Variants in THSD7B observed in about 807,000 individuals in gnomAD.
THSD7B encodes the protein thrombospondin type 1 domain containing 7B.
THSD7B carries 138 observed loss-of-function variants against 213.6 expected under a neutral mutation model. The observed-to-expected ratio is 0.65, with a 90% CI of 0.56 to 0.74. THSD7B has a LOEUF of 0.74. Ranked by LOEUF, THSD7B falls within the 30% of genes least tolerant of loss-of-function variation. The probability of loss-of-function intolerance (pLI) is 0.00; values close to 1 mark genes in which losing one functional copy is unlikely to be tolerated. For synonymous variants in THSD7B, 742 were observed against 687.0 expected, an observed-to-expected ratio of 1.08 and a Z score of -1.25; for missense variants, 1,931 against 1,991.5, an observed-to-expected ratio of 0.97 and a Z score of 0.58.
intron 24 of THSD7B, among the ~76,000 whole-genome samples, chr2:137,658,758 C>T (rs1378347222): frequency 1.3e-5 from 2 of 152,202 alleles, no homozygotes; most frequent in East Asian, 3.9e-4. Flanking sequence ...AATTTAGCTG[C>T]TTCATTCCCA....
intron 2 of THSD7B, among the ~76,000 whole-genome samples, chr2:136,997,124 T>C (rs571696376): frequency 2.3e-4 from 35 of 152,336 alleles, no homozygotes; most frequent in Non-Finnish European, 4.9e-4. Context: ...AGGATTATTA[T>C]AAAGTTGAGG....
At chr2:137,656,333 T>A (rs924378501) in intron 22 of THSD7B, among the ~76,000 whole-genome samples, 6 of 152,056 alleles carry the variant, frequency 3.9e-5, no homozygotes, top group African/African-American at 1.4e-4. Context: ...ATTATATTTC[T>A]TGAGTGAGAA....
intron 15 of THSD7B, among the ~76,000 whole-genome samples, chr2:137,546,324 G>T (rs1680706352): frequency 9.2e-6 from 1 of 108,562 alleles, no homozygotes. Context: ...TCATTTCTGT[G>T]TTCATGCATT....
intron 3 of THSD7B, among the ~76,000 whole-genome samples, chr2:137,073,004 G>C (rs980060216): frequency 6.6e-6 from 1 of 151,640 alleles, no homozygotes; most frequent in East Asian, 1.9e-4. Context: ...GATTCAGTTT[G>C]CCAGTATTTT....
At chr2:136,768,810 A>G (rs993662708) in intron 1 of THSD7B, among the ~76,000 whole-genome samples, 22 of 152,214 alleles carry the variant, frequency 1.4e-4, no homozygotes, top group African/African-American at 5.1e-4. Context: ...AATGTTTCCC[A>G]GTATATAACT....
chr2:137,563,156 G>A, intron 15 of THSD7B, 65 bp from the exon 16 acceptor site: 1 of 1,548,696 alleles, frequency 6.5e-7, no homozygotes, highest in African/African-American at 1.4e-5. Flanking sequence ...ATTACTAAAA[G>A]ATAGGCTATT....
chr2:137,206,347 CT>C (rs962596067), intron 7 of THSD7B, among the ~76,000 whole-genome samples: 2 of 152,012 alleles, frequency 1.3e-5, no homozygotes, highest in Non-Finnish European at 2.9e-5. Flanking sequence ...ATGATCTTGA[CT>C]TTCAACAGTA....
intron 15 of THSD7B, among the ~76,000 whole-genome samples, chr2:137,551,869 C>T (rs907499856): frequency 7.2e-5 from 11 of 152,190 alleles, no homozygotes; most frequent in African/African-American, 2.6e-4. Flanking sequence ...GCTTGAGCAT[C>T]TGGCTTAAAA....
At chr2:137,242,657 G>A (rs1681938961) in intron 10 of THSD7B, 85 bp downstream of exon 10, 4 of 903,930 alleles carry the variant, frequency 4.4e-6, no homozygotes, top group South Asian at 3.5e-5. Context: ...TGTGGAATGT[G>A]AGCACCTTTT....
At position 137,040,623 on chromosome 2, in the gene THSD7B, G is replaced by T. The variant is rs915134923; in HGVS notation, c.140-15797G>T. Among the ~76,000 whole-genome samples the T allele has an allele frequency of 5.3e-5, 8 of 152,118 alleles. No homozygotes were observed. The East Asian group carries it at 1.6e-3, about 29-fold the overall frequency. The stretch of plus-strand genomic sequence containing the variant: ...TTGGCCAAACTGGTCTCGAACTCCT[G>T]ATCTCGTGATCCACCCGCCTTGGCA... On this transcript the variant is annotated intron_variant, in intron 2 of 27. Coordinates refer to ENST00000409968, the MANE Select transcript of THSD7B (RefSeq NM_001316349.2).
At chr2:136,839,631 A>G (rs142975970) in intron 1 of THSD7B, among the ~76,000 whole-genome samples, 38 of 152,318 alleles carry the variant, frequency 2.5e-4, no homozygotes, top group African/African-American at 8.7e-4. Flanking sequence ...TGACCTGCAC[A>G]ATGGAGGGTA....
chr2:137,210,607 G>T (rs1036475182), intron 7 of THSD7B, among the ~76,000 whole-genome samples: 1 of 151,980 alleles, frequency 6.6e-6, no homozygotes, highest in African/African-American at 2.4e-5. Context: ...TAAACTTTGA[G>T]TGGGAGAATT....
intron 21 of THSD7B, 143 bp from the exon 22 acceptor site, chr2:137,655,358 G>A: frequency 1.2e-6 from 1 of 858,676 alleles, no homozygotes; most frequent in Non-Finnish European, 1.7e-6. Flanking sequence ...ATGCTTTATT[G>A]TCAACAATTG....
At chr2:137,161,825 C>T (rs188230343) in intron 6 of THSD7B, among the ~76,000 whole-genome samples, 70 of 152,242 alleles carry the variant, frequency 4.6e-4, no homozygotes, top group African/African-American at 1.2e-3. Flanking sequence ...TAGTTGTATA[C>T]GAGATTCTTC....
chr2:137,197,754 C>T (rs1241463294), intron 7 of THSD7B, among the ~76,000 whole-genome samples: 2 of 152,180 alleles, frequency 1.3e-5, no homozygotes, highest in Non-Finnish European at 1.5e-5. Flanking sequence ...ATTCTCTTAA[C>T]ATTTTAGGGC....
At chr2:137,013,948 T>C (rs528273471) in intron 2 of THSD7B, among the ~76,000 whole-genome samples, 1 of 152,334 alleles carries the variant, frequency 6.6e-6, no homozygotes, top group Non-Finnish European at 1.5e-5. Context: ...GAGGATGTGT[T>C]GGCAGATATA....
At chr2:137,343,316 T>C (rs974465284) in intron 12 of THSD7B, among the ~76,000 whole-genome samples, 1 of 151,704 alleles carries the variant, frequency 6.6e-6, no homozygotes, top group Non-Finnish European at 1.5e-5. Flanking sequence ...TAGTCCTTAT[T>C]AGTCTGTTCA....
At position 137,129,445 on chromosome 2, in the gene THSD7B, C is replaced by CAT. The variant is rs1553473149; in HGVS notation, c.1369+14152_1369+14153insAT. Among the ~76,000 whole-genome samples the CAT allele has an allele frequency of 4.4e-3, 640 of 145,662 alleles. 3 individuals are homozygous for CAT. The highest frequency in any genetic ancestry group is 0.015 in the African/African-American group (614 of 40,090). On this transcript the variant is annotated intron_variant, in intron 5 of 27. Coordinates refer to ENST00000409968, the MANE Select transcript of THSD7B (RefSeq NM_001316349.2). ...ATCCCCTTTGAACATTCTGTAATTA[C>CAT]TTTTTTTTTTTTAAGACAGAGTCTC...
intron 14 of THSD7B, among the ~76,000 whole-genome samples, chr2:137,418,228 A>G (rs1686841839): frequency 6.6e-6 from 1 of 152,038 alleles, no homozygotes; most frequent in East Asian, 1.9e-4. Context: ...TTTATTGTAG[A>G]TTCACTGCAG....
Sources: gnomAD v4.1 joint callset for allele counts (sites outside exome capture counted in the v4.1 genomes callset) on GRCh38, gnomAD v4.1.1 for gene constraint, MANE v1.5 for transcripts, NCBI Gene and HGNC (gene_info 2026-07-23, HGNC 2026-07-21) for gene names.